IL1RAPL1: variants seen among roughly 807,000 people sequenced by gnomAD.
The protein encoded by IL1RAPL1 is interleukin 1 receptor accessory protein like 1.
In IL1RAPL1, 3 loss-of-function variants were observed where a neutral mutation model predicts 48.4. That is an observed-to-expected ratio of 0.06 (90% confidence interval 0.03 to 0.16). The LOEUF is 0.16. Among genes scored for constraint, IL1RAPL1 ranks in the 10% least tolerant of loss-of-function variants. The pLI is 1.00. For synonymous variants in IL1RAPL1, 185 were observed against 187.7 expected, an observed-to-expected ratio of 0.99 and a Z score of 0.12; for missense variants, 349 against 530.6, an observed-to-expected ratio of 0.66 and a Z score of 3.36.
chrX:28,923,063 A>G (rs1292190702), intron 2 of IL1RAPL1, among the ~76,000 whole-genome samples: 2 of 112,219 alleles, frequency 1.8e-5, no homozygotes, highest in Admixed American at 9.5e-5. Context: ...AATATTCTTT[A>G]TTTTCAACTT....
intron 2 of IL1RAPL1, among the ~76,000 whole-genome samples, chrX:29,111,631 T>C (rs1928568102): frequency 8.9e-6 from 1 of 111,785 alleles, no homozygotes; most frequent in African/African-American, 3.3e-5. Context: ...ACTGTTGGGT[T>C]ATTAGATAAA....
In IL1RAPL1 at chrX:28,757,227, C is replaced by A. The variant is rs780488903; in HGVS notation, c.-24-32093C>A. On this transcript the variant is annotated intron_variant, in intron 1 of 10. Transcript: ENST00000378993. ...TGCCTTTTCCTCTAAGTTGCCTATC[C>A]CAACTTTGAAAGTCTTTACCTCTGT... 3.6e-5 allele frequency among the ~76,000 whole-genome samples: 4 copies of A among 112,225 alleles called. No individual in the cohort carries two copies. In the South Asian group the frequency reaches 1.1e-3, roughly 31 times the overall value.
chrX:29,408,192 A>G (rs1255350374), intron 5 of IL1RAPL1, among the ~76,000 whole-genome samples: 1 of 111,591 alleles, frequency 9.0e-6, no homozygotes, highest in African/African-American at 3.3e-5. Flanking sequence ...TAGACAAAAA[A>G]TACAAATATT....
At chrX:29,750,171 G>A (rs1392307780) in intron 6 of IL1RAPL1, among the ~76,000 whole-genome samples, 5 of 111,646 alleles carry the variant, frequency 4.5e-5, no homozygotes, top group African/African-American at 6.5e-5. Flanking sequence ...AAAACTTTTC[G>A]TTTCTATTTT....
intron 3 of IL1RAPL1, among the ~76,000 whole-genome samples, chrX:29,382,858 C>T (rs1933730006): frequency 1.8e-5 from 2 of 111,555 alleles, no homozygotes; most frequent in South Asian, 7.5e-4. Flanking sequence ...CATACTGAAT[C>T]TTTCTATAAA....
chrX:29,109,411 A>G (rs1928516624), intron 2 of IL1RAPL1, among the ~76,000 whole-genome samples: 1 of 108,639 alleles, frequency 9.2e-6, no homozygotes, highest in African/African-American at 3.4e-5. Context: ...TTCTTTTTTC[A>G]GTTTTTCTAA....
At chrX:29,111,478 G>A (rs1292244505) in intron 2 of IL1RAPL1, among the ~76,000 whole-genome samples, 2 of 111,607 alleles carry the variant, frequency 1.8e-5, no homozygotes, top group African/African-American at 3.3e-5. Context: ...AACATATGGT[G>A]CTTTTTACTT....
At chrX:29,598,815 A>G (rs776927016) in intron 5 of IL1RAPL1, among the ~76,000 whole-genome samples, 61 of 111,574 alleles carry the variant, frequency 5.5e-4, no homozygotes, top group African/African-American at 2.0e-3. Flanking sequence ...TGTTGCTTCA[A>G]AGTTTGTTTT....
At chrX:29,820,498 G>T (rs1313305643) in intron 6 of IL1RAPL1, among the ~76,000 whole-genome samples, 1 of 111,707 alleles carries the variant, frequency 9.0e-6, no homozygotes, top group Admixed American at 9.5e-5. Flanking sequence ...CCTTTATAGG[G>T]TCTCAAAGAG....
chrX:29,642,168 CTG>C (rs1404214088), intron 5 of IL1RAPL1, among the ~76,000 whole-genome samples: 1 of 112,679 alleles, frequency 8.9e-6, no homozygotes, highest in Non-Finnish European at 1.9e-5. Context: ...AACTCATCTT[CTG>C]TGTCTCCCCC....
At chrX:28,921,481 A>G (rs904920911) in intron 2 of IL1RAPL1, among the ~76,000 whole-genome samples, 1 of 111,265 alleles carries the variant, frequency 9.0e-6, no homozygotes, top group African/African-American at 3.3e-5. Flanking sequence ...TGGAAGCCAC[A>G]TTTTCTCTTT....
chrX:29,575,451 C>T (rs111465134), intron 5 of IL1RAPL1, among the ~76,000 whole-genome samples: 6,545 of 111,261 alleles, frequency 0.059, 498 homozygotes, highest in African/African-American at 0.2. Flanking sequence ...TCCAAGAGCC[C>T]AAAGGCCAAA....
intron 6 of IL1RAPL1, among the ~76,000 whole-genome samples, chrX:29,683,413 C>T (rs1366217394): frequency 3.6e-5 from 4 of 112,208 alleles, no homozygotes; most frequent in Admixed American, 2.8e-4. Flanking sequence ...ATCACACAGT[C>T]GTGATCCAGT....
intron 2 of IL1RAPL1, among the ~76,000 whole-genome samples, chrX:28,817,462 A>G (rs901905876): frequency 9.0e-6 from 1 of 111,147 alleles, no homozygotes; most frequent in African/African-American, 3.3e-5. Context: ...ACAGTTTGCC[A>G]TAATCTCATG....
intron 5 of IL1RAPL1, among the ~76,000 whole-genome samples, chrX:29,500,788 A>G (rs1225172876): frequency 9.0e-6 from 1 of 111,083 alleles, no homozygotes; most frequent in East Asian, 2.8e-4. Flanking sequence ...GGAAGTGTAG[A>G]TCTCTCTTTG....
intron 5 of IL1RAPL1, among the ~76,000 whole-genome samples, chrX:29,580,434 C>G (rs1460321636): frequency 8.9e-6 from 1 of 111,816 alleles, no homozygotes; most frequent in Non-Finnish European, 1.9e-5. Context: ...GCTTGTGTTA[C>G]TAGCTCAGGC....
chrX:29,506,911 A>G (rs928458853), intron 5 of IL1RAPL1, among the ~76,000 whole-genome samples: 2 of 110,703 alleles, frequency 1.8e-5, no homozygotes, highest in African/African-American at 6.6e-5. Context: ...CCTCAATCTC[A>G]CTTTCACTAG....
chrX:29,399,439 T>A, intron 5 of IL1RAPL1, 131 bp downstream of exon 5: 1 of 522,988 alleles, frequency 1.9e-6, no homozygotes, highest in Non-Finnish European at 3.2e-6. Context: ...TTCCTATAGG[T>A]GAAATTTATT....
chrX:29,111,511 G>C (rs1052177159), intron 2 of IL1RAPL1, among the ~76,000 whole-genome samples: 1 of 111,455 alleles, frequency 9.0e-6, no homozygotes, highest in Non-Finnish European at 1.9e-5. Context: ...ATGGTGGGTG[G>C]CTTGATCTCA....
Sources: gnomAD v4.1 joint callset for allele counts (sites outside exome capture counted in the v4.1 genomes callset) on GRCh38, gnomAD v4.1.1 for gene constraint, MANE v1.5 for transcripts, NCBI Gene and HGNC (gene_info 2026-07-23, HGNC 2026-07-21) for gene names.